Variants in SLC25A30 observed in about 807,000 individuals in gnomAD.
SLC25A30 encodes kidney mitochondrial carrier protein 1.
A neutral mutation model predicts 42.7 loss-of-function variants in SLC25A30; 29 were observed. The observed-to-expected ratio is 0.68, with a 90% confidence interval of 0.51 to 0.93. The LOEUF is 0.93. Among genes scored for constraint, SLC25A30 ranks in the 40% least tolerant of loss-of-function variants. The pLI is 0.00. For missense variants in SLC25A30, 300 were observed against 359.7 expected (o/e 0.83, Z 1.34); for synonymous variants, 124 against 131.0 (o/e 0.95, Z 0.37).
chr13:45,394,893 A>T lies in SLC25A30; in HGVS notation c.*1081T>A. The T allele has an allele frequency of 1.0e-6, 1 of 985,474 alleles. No individual in the cohort carries two copies. 61.0% of individuals were successfully genotyped at this position (985,474 alleles called of 1,614,324 possible). A position where few individuals can be genotyped will look rare whatever the true frequency, so the allele number is the denominator to read the frequency against. On this transcript the variant is annotated 3_prime_UTR_variant, in exon 10 of 10. Transcript: ENST00000519676. ...CAACATAAACTAAAGTAAAAACTGG[A>T]AACCTGGAAAAATCAACTCTTTGAT... is the stretch of plus-strand genomic sequence containing the variant.
chr13:45,416,136 G>A (rs1030913957), intron 1 of SLC25A30, among the ~76,000 whole-genome samples: 7 of 151,734 alleles, frequency 4.6e-5, no homozygotes, highest in Non-Finnish European at 8.8e-5. Context: ...GGCCGGGCAC[G>A]GTGGCTCATG....
chr13:45,428,664 A>G, the SLC25A30 span, among the ~76,000 whole-genome samples: 1 of 151,472 alleles, frequency 6.6e-6, no homozygotes, highest in East Asian at 1.9e-4. Context: ...CTGGGATTAC[A>G]GGTACGCACC....
intron 1 of SLC25A30, among the ~76,000 whole-genome samples, chr13:45,415,796 ATTTT>A (rs557873011): frequency 1.9e-3 from 186 of 96,120 alleles, no homozygotes; most frequent in African/African-American, 6.7e-3. Context: ...TGGCTGAATA[ATTTT>A]TTTTTTTTTT....
chr13:45,394,282 T>C lies in SLC25A30; in HGVS notation c.*1692A>G, dbSNP rs775163976. ...CCCACCTTCTGTTATCCTCTCTTTT[T>C]GATGACTTTGTCTTAGCTCTCACTT... On this transcript the variant is annotated 3_prime_UTR_variant, in exon 10 of 10. Coordinates refer to ENST00000519676, the MANE Select transcript of SLC25A30 (RefSeq NM_001010875.4). The C allele has an allele frequency of 3.2e-5, 30 of 947,520 alleles. No individual in the cohort carries two copies. Among genetic ancestry groups the C allele is most frequent in the Non-Finnish European group, 3.6e-5 (29 of 797,572 alleles). The allele number at this position is 947,520 out of a possible 1,614,324, so 58.7% of individuals were successfully genotyped here. A position where few individuals can be genotyped will look rare whatever the true frequency, so the allele number is the denominator to read the frequency against.
chr13:45,419,758 C>G (rs1203117724), upstream of SLC25A30, among the ~76,000 whole-genome samples: 2 of 151,362 alleles, frequency 1.3e-5, no homozygotes, highest in African/African-American at 4.8e-5. Context: ...GGAGAAAACC[C>G]ATCTCTACTA....
intron 6 of SLC25A30, 92 bp from the exon 7 acceptor site, chr13:45,401,299 G>A (rs184063710): frequency 5.0e-4 from 666 of 1,338,712 alleles, no homozygotes; most frequent in Non-Finnish European, 6.3e-4. Context: ...CATAAACTAT[G>A]ATCAAGGTTT....
chr13:45,433,404 C>T, the SLC25A30 span, among the ~76,000 whole-genome samples: 2 of 152,284 alleles, frequency 1.3e-5, no homozygotes, highest in East Asian at 1.9e-4. Context: ...GTGCCCCAGC[C>T]TGTCACTGCA....
intron 8 of SLC25A30, 129 bp from the exon 9 acceptor site, chr13:45,397,467 T>G (rs1424955796): frequency 2.6e-5 from 16 of 622,544 alleles, no homozygotes; most frequent in Non-Finnish European, 4.2e-5. Context: ...CCGAGGCGGG[T>G]GGATCACCAG....
At chr13:45,419,768 A>G (rs1382124626), upstream of SLC25A30, among the ~76,000 whole-genome samples, 1 of 151,696 alleles carries the variant, frequency 6.6e-6, no homozygotes. Flanking sequence ...CATCTCTACT[A>G]AAAGTACAAA....
rs1356733891 is a variant in SLC25A30, at chr13:45,394,167, GCC to G, written c.*1805_*1806del. 2.0e-6 allele frequency: 2 copies of G among 985,210 alleles called. No homozygotes were observed. Among genetic ancestry groups the G allele is most frequent in the Non-Finnish European group, 2.4e-6 (2 of 829,912 alleles). 61.0% of individuals were successfully genotyped at this position (985,210 alleles called of 1,614,324 possible). On this transcript the variant is annotated 3_prime_UTR_variant, in exon 10 of 10. Transcript: ENST00000519676. Reference sequence around the variant, plus strand: ...TGAATGAGCTCTGGGGTCCTCTGCTGCCCTCTAGGGTTGCCCAGGGAGAGCTG... The same window carrying G: ...TGAATGAGCTCTGGGGTCCTCTGCTGCTCTAGGGTTGCCCAGGGAGAGCTG...
rs558579653 is a variant in SLC25A30, at chr13:45,402,818, T to G, written c.394-448A>C. 10 of 985,324 alleles carry G rather than the reference T, an allele frequency of 1.0e-5. No individual in the cohort carries two copies. The East Asian group carries it at 1.1e-3, about 112-fold the overall frequency. The allele number at this position is 985,324 out of a possible 1,614,324, so 61.0% of individuals were successfully genotyped here. ...AATTAGCTGCTCCAAGCCACTACAG[T>G]CTCCAGCCAGCTGAACCAAAAGGTA... On this transcript the variant is annotated intron_variant, in intron 5 of 9. Coordinates refer to ENST00000519676, the MANE Select transcript of SLC25A30 (RefSeq NM_001010875.4).
chr13:45,418,935 C>A (rs1490927702), upstream of SLC25A30, among the ~76,000 whole-genome samples: 2 of 66,016 alleles, frequency 3.0e-5, no homozygotes, highest in African/African-American at 5.7e-5. Context: ...AGCGAGACTT[C>A]GTCTCAAAAA....
chr13:45,428,863 A>G, the SLC25A30 span, among the ~76,000 whole-genome samples: 1 of 151,232 alleles, frequency 6.6e-6, no homozygotes, highest in African/African-American at 2.4e-5. Flanking sequence ...AGAGAGAGAG[A>G]CAAAAAAAGA....
chr13:45,397,171 A>G (rs1222871530), intron 9 of SLC25A30, 87 bp downstream of exon 9: 4 of 936,490 alleles, frequency 4.3e-6, no homozygotes, highest in South Asian at 1.5e-5. Context: ...ACCTACTTCT[A>G]AATTATAATT....
intron 1 of SLC25A30, among the ~76,000 whole-genome samples, chr13:45,414,393 G>A (rs566265483): frequency 2.6e-5 from 4 of 152,192 alleles, no homozygotes; most frequent in Admixed American, 6.5e-5. Flanking sequence ...CGAGGTGGGC[G>A]GATCACCTGA....
chr13:45,402,538 C>T lies in SLC25A30; in HGVS notation c.394-168G>A, dbSNP rs114699726. 4.4e-3 allele frequency among the ~76,000 whole-genome samples: 677 copies of T among 152,176 alleles called. 6 individuals carry two copies. Among genetic ancestry groups the T allele is most frequent in the African/African-American group, 0.015 (614 of 41,528 alleles). On this transcript the variant is annotated intron_variant, in intron 5 of 9. Transcript: ENST00000519676. ...TGATGCTACCTTAAAATGACTAAAA[C>T]GTATAAAAATTTATTCTTAGGAACT...
the SLC25A30 span, among the ~76,000 whole-genome samples, chr13:45,430,532 A>C: frequency 6.6e-6 from 1 of 152,128 alleles, no homozygotes; most frequent in African/African-American, 2.4e-5. Flanking sequence ...GGGGCCTGGC[A>C]TGGTGGCTCA....
chr13:45,412,211 C>G (rs886674105), intron 1 of SLC25A30, among the ~76,000 whole-genome samples: 1 of 152,178 alleles, frequency 6.6e-6, no homozygotes, highest in East Asian at 1.9e-4. Flanking sequence ...CCTCAACCTC[C>G]TGGGCTCATG....
the SLC25A30 span, among the ~76,000 whole-genome samples, chr13:45,428,766 C>T: frequency 6.6e-6 from 1 of 151,632 alleles, no homozygotes; most frequent in African/African-American, 2.4e-5. Flanking sequence ...CATGATCTGC[C>T]CACCTCAGCC....
Sources: gnomAD v4.1 joint callset for allele counts (sites outside exome capture counted in the v4.1 genomes callset) on GRCh38, gnomAD v4.1.1 for gene constraint, MANE v1.5 for transcripts, NCBI Gene and HGNC (gene_info 2026-07-23, HGNC 2026-07-21) for gene names.